The following HGD variants were observed in gnomAD, a reference collection of about 807,000 sequenced individuals.
HGD encodes homogentisate 1,2-dioxygenase.
Under a neutral mutation model 60.8 loss-of-function variants are expected in HGD, and 61 were observed. The ratio of observed to expected loss-of-function variants is 1.00; its 90% CI spans 0.82 to 1.24. HGD has a LOEUF of 1.24. Ranked by LOEUF, HGD falls within the 50% of genes most tolerant of loss-of-function variation. The pLI is 0.00. For missense variants in HGD, 542 were observed against 547.1 expected (o/e 0.99, Z 0.09); for synonymous variants, 212 against 187.7 (o/e 1.13, Z -1.06).
At chr3:120,637,672 G>C (rs1293192089) in intron 12 of HGD, among the ~76,000 whole-genome samples, 1 of 152,050 alleles carries the variant, frequency 6.6e-6, no homozygotes, top group Non-Finnish European at 1.5e-5. Context: ...ACCAGACTTA[G>C]GTGATGAACT....
At chr3:120,645,149 G>C (rs1170264721) in intron 9 of HGD, among the ~76,000 whole-genome samples, 1 of 152,200 alleles carries the variant, frequency 6.6e-6, no homozygotes, top group African/African-American at 2.4e-5. Context: ...TCCCCGGCTG[G>C]TTAGCAAATT....
intron 13 of HGD, among the ~76,000 whole-genome samples, chr3:120,632,437 G>T (rs997047975): frequency 6.6e-6 from 1 of 152,238 alleles, no homozygotes; most frequent in African/African-American, 2.4e-5. Context: ...CTGCAATTGT[G>T]TTCAGCCTCA....
At chr3:120,680,867 A>C (rs1166496363) in intron 1 of HGD, among the ~76,000 whole-genome samples, 1 of 149,832 alleles carries the variant, frequency 6.7e-6, no homozygotes, top group East Asian at 1.9e-4. Flanking sequence ...GCCAGTTCCA[A>C]CTTCTCTCTG....
At chr3:120,650,985 G>A in intron 5 of HGD, 120 bp from the exon 6 acceptor site, 1 of 822,398 alleles carries the variant, frequency 1.2e-6, no homozygotes, top group Non-Finnish European at 2.1e-6. Context: ...TTTGGGACCG[G>A]TGGGACGTTT....
intron 4 of HGD, among the ~76,000 whole-genome samples, chr3:120,661,861 A>G (rs751078557): frequency 9.2e-5 from 14 of 152,262 alleles, no homozygotes; most frequent in Admixed American, 6.5e-4. Flanking sequence ...ATCAGGGAGT[A>G]AATTCAACAA....
In HGD at chr3:120,670,472, G is replaced by A. The variant is rs756012521; in HGVS notation, c.237C>T (p.Gly79=). 50 of 1,610,622 alleles carry A rather than the reference G, an allele frequency of 3.1e-5. 1 individual carries two copies. The South Asian group carries it at 5.4e-4, about 17-fold the overall frequency. The change falls in exon 4 of 14, where the codon GGC becomes GGT. Residue 79 remains glycine (G), a synonymous_variant. Coordinates refer to ENST00000283871, the MANE Select transcript of HGD (RefSeq NM_000187.4). ...CTTCATCCCAGTTGTGAGTGACTTG[G>A]CCTTCGTCAATGGATTCAAAGGGCT... is the stretch of plus-strand genomic sequence containing the variant. ...SHKPFESIDE[G]QVTHNWDEVD...
At chr3:120,633,509 T>C (rs1409301954) in intron 12 of HGD, 181 bp from the exon 13 acceptor site, 6 of 1,514,702 alleles carry the variant, frequency 4.0e-6, no homozygotes, top group Non-Finnish European at 5.3e-6. Context: ...ATTGGCATTC[T>C]TGGCAGGCAC....
At chr3:120,637,178 T>C (rs543775974) in intron 12 of HGD, among the ~76,000 whole-genome samples, 5 of 152,270 alleles carry the variant, frequency 3.3e-5, no homozygotes, top group South Asian at 2.1e-4. Context: ...ATGCTAGCCA[T>C]ACCAGTTAGT....
intron 4 of HGD, among the ~76,000 whole-genome samples, chr3:120,669,483 A>ACC (rs1707977753): frequency 1.3e-5 from 2 of 148,588 alleles, no homozygotes; most frequent in African/African-American, 5.0e-5. Flanking sequence ...ACACACACAC[A>ACC]CACGCAGACT....
chr3:120,681,982 G>A (rs1204222106), intron 1 of HGD, 115 bp downstream of exon 1: 2 of 919,916 alleles, frequency 2.2e-6, no homozygotes, highest in Non-Finnish European at 3.6e-6. Context: ...TGAACACAGG[G>A]GTTTGAACCA....
intron 4 of HGD, among the ~76,000 whole-genome samples, chr3:120,661,191 A>G (rs1020104420): frequency 1.3e-4 from 20 of 152,170 alleles, no homozygotes; most frequent in African/African-American, 4.8e-4. Flanking sequence ...TGTTTCCCAA[A>G]TTATTCCTGA....
intron 4 of HGD, among the ~76,000 whole-genome samples, chr3:120,668,250 A>AT (rs1366235048): frequency 6.6e-6 from 1 of 152,176 alleles, no homozygotes; most frequent in Non-Finnish European, 1.5e-5. Flanking sequence ...ACCAATTCAC[A>AT]TTTTTCCACC....
chr3:120,630,825 T>TACACACAC (rs1201452131), intron 13 of HGD, among the ~76,000 whole-genome samples: 2 of 104,120 alleles, frequency 1.9e-5, no homozygotes, highest in Non-Finnish European at 3.6e-5. Context: ...TATATATATA[T>TACACACAC]ACACATACAC....
intron 6 of HGD, among the ~76,000 whole-genome samples, chr3:120,650,490 C>T (rs150308954): frequency 0.033 from 4,978 of 152,292 alleles, 116 homozygotes; most frequent in Middle Eastern, 0.068. Context: ...AAATGCCTTT[C>T]GATCTACTCC....
chr3:120,673,054 C>T (rs1161070683), intron 3 of HGD, among the ~76,000 whole-genome samples: 1 of 152,120 alleles, frequency 6.6e-6, no homozygotes, highest in Non-Finnish European at 1.5e-5. Flanking sequence ...CTAAGAATTT[C>T]AGGCTGGCCT....
intron 4 of HGD, 114 bp from the exon 5 acceptor site, chr3:120,652,765 G>T (rs1157492222): frequency 7.0e-6 from 5 of 711,196 alleles, no homozygotes; most frequent in Non-Finnish European, 1.2e-5. Flanking sequence ...CCTCTGTGAG[G>T]CTCTACTTGT....
intron 4 of HGD, among the ~76,000 whole-genome samples, chr3:120,660,188 C>T (rs922819571): frequency 6.6e-6 from 1 of 152,132 alleles, no homozygotes; most frequent in Non-Finnish European, 1.5e-5. Context: ...TTCCTGTACA[C>T]CCTGTGGAAC....
chr3:120,628,313 A>G lies in HGD; in HGVS notation c.*67T>C, dbSNP rs1321511298. ...ACCAACCCCCTCCTCCAATACTACCAGAAAGCATGAGATTCTGAAGAAATC... is the reference window on the plus strand; with the variant it reads ...ACCAACCCCCTCCTCCAATACTACCGGAAAGCATGAGATTCTGAAGAAATC... On this transcript the variant is annotated 3_prime_UTR_variant, in exon 14 of 14. Coordinates refer to ENST00000283871, the MANE Select transcript of HGD (RefSeq NM_000187.4). 1.9e-6 allele frequency: 3 copies of G among 1,545,718 alleles called. No homozygotes were observed. Among genetic ancestry groups the G allele is most frequent in the African/African-American group, 1.4e-5 (1 of 73,406 alleles).
chr3:120,679,786 A>C (rs1559804637), intron 1 of HGD, among the ~76,000 whole-genome samples: 1 of 152,218 alleles, frequency 6.6e-6, no homozygotes, highest in Admixed American at 6.5e-5. Flanking sequence ...AAAAGGCAGG[A>C]AAACACAATC....
Sources: gnomAD v4.1 joint callset for allele counts (sites outside exome capture counted in the v4.1 genomes callset) on GRCh38, gnomAD v4.1.1 for gene constraint, MANE v1.5 for transcripts, NCBI Gene and HGNC (gene_info 2026-07-23, HGNC 2026-07-21) for gene names.